The following KLHL7 variants were observed in gnomAD, a reference collection of about 807,000 sequenced individuals.
KLHL7 encodes kelch-like protein 7.
In KLHL7, 44 loss-of-function variants were observed where a neutral mutation model predicts 67.4. That is an observed-to-expected ratio of 0.65 (90% CI 0.51 to 0.84). The LOEUF is 0.84. Among genes scored for constraint, KLHL7 ranks in the 40% least tolerant of loss-of-function variants. KLHL7 has a pLI of 0.00. For missense variants in KLHL7, 362 were observed against 718.1 expected (o/e 0.50, Z 5.67); for synonymous variants, 252 against 243.3 (o/e 1.04, Z -0.33).
chr7:23,171,301 G>A (rs952155981), intron 9 of KLHL7: 3 of 159,298 alleles, frequency 1.9e-5, no homozygotes, highest in African/African-American at 7.2e-5. Flanking sequence ...TAAACCTTCA[G>A]GAGATTTAGA....
chr7:23,126,823 A>G (rs902205583), intron 4 of KLHL7, among the ~76,000 whole-genome samples: 4 of 152,218 alleles, frequency 2.6e-5, no homozygotes, highest in African/African-American at 9.6e-5. Flanking sequence ...ATTGGACTAG[A>G]TGGAGCAGGA....
chr7:23,168,073 T>G, intron 9 of KLHL7, 36 bp downstream of exon 9: 1 of 1,577,226 alleles, frequency 6.3e-7, no homozygotes, highest in Non-Finnish European at 8.7e-7. Flanking sequence ...TACAGTTAAC[T>G]GTATTCTATA....
At chr7:23,127,769 G>GT (rs1783628852) in intron 4 of KLHL7, among the ~76,000 whole-genome samples, 1 of 152,086 alleles carries the variant, frequency 6.6e-6, no homozygotes, top group Non-Finnish European at 1.5e-5. Context: ...AGCTACTCCG[G>GT]AGGCCGAGGC....
At chr7:23,120,306 CAG>C (rs1223218825) in intron 1 of KLHL7, among the ~76,000 whole-genome samples, 1 of 152,222 alleles carries the variant, frequency 6.6e-6, no homozygotes, top group Non-Finnish European at 1.5e-5. Context: ...TCACCACACC[CAG>C]CCCCATATAC....
At position 23,141,814 on chromosome 7, in the gene KLHL7, G is replaced by A. The variant is rs368446753; in HGVS notation, c.618+870G>A. Reference sequence around the variant, plus strand: ...ATTTTTTGTATTTTTTAGTAGAGACGGGGTTTCACCGTGTTAGCCAGGATG... The same window carrying A: ...ATTTTTTGTATTTTTTAGTAGAGACAGGGTTTCACCGTGTTAGCCAGGATG... On this transcript the variant is annotated intron_variant, in intron 5 of 10. Transcript: ENST00000339077. Among the ~76,000 whole-genome samples the A allele has an allele frequency of 4.7e-4, 71 of 152,180 alleles. 1 individual carries two copies. Among genetic ancestry groups the A allele is most frequent in the African/African-American group, 1.6e-3 (67 of 41,504 alleles).
intron 1 of KLHL7, among the ~76,000 whole-genome samples, chr7:23,119,891 T>C (rs2128458924): frequency 6.6e-6 from 1 of 152,330 alleles, no homozygotes; most frequent in Admixed American, 6.5e-5. Context: ...TCTTGTTATT[T>C]CTATAAGTGT....
intron 5 of KLHL7, 21 bp downstream of exon 5, chr7:23,140,965 CAT>C: frequency 6.2e-7 from 1 of 1,603,436 alleles, no homozygotes; most frequent in Non-Finnish European, 8.5e-7. Flanking sequence ...TGCCTTCTCA[CAT>C]TTTTCTTAAT....
In KLHL7 at chr7:23,175,626, A is replaced by G. The variant is rs1319381782; in HGVS notation, c.*1328A>G. 3.4e-6 allele frequency: 1 copy of G among 294,394 alleles called. No individual in the cohort carries two copies. Among genetic ancestry groups the G allele is most frequent in the African/African-American group, 2.3e-5 (1 of 44,182 alleles). 18.2% of individuals were successfully genotyped at this position (294,394 alleles called of 1,614,324 possible). On this transcript the variant is annotated 3_prime_UTR_variant, in exon 11 of 11. Transcript: ENST00000339077. ...GTAGGGTTTTTTAATGTACAGCTTT[A>G]TTGAGATATAATTCACATACCATAC... is the stretch of plus-strand genomic sequence containing the variant.
intron 4 of KLHL7, among the ~76,000 whole-genome samples, chr7:23,138,474 A>AG (rs1309333668): frequency 6.7e-6 from 1 of 150,154 alleles, no homozygotes; most frequent in Non-Finnish European, 1.5e-5. Flanking sequence ...AAAAAAAAAA[A>AG]AAAAAAAAAA....
intron 4 of KLHL7, among the ~76,000 whole-genome samples, chr7:23,134,121 T>C (rs1002893911): frequency 2.0e-5 from 3 of 152,212 alleles, no homozygotes; most frequent in African/African-American, 7.2e-5. Context: ...TGAGGTATGT[T>C]CCTTCTATCC....
intron 1 of KLHL7, chr7:23,106,595 C>T (rs2128454881): frequency 9.6e-7 from 1 of 1,037,886 alleles, no homozygotes; most frequent in Non-Finnish European, 1.2e-6. Context: ...AAATAAGGAT[C>T]CCCGCCCCCT....
chr7:23,138,577 G>A (rs770518983), intron 4 of KLHL7, among the ~76,000 whole-genome samples: 19 of 150,438 alleles, frequency 1.3e-4, no homozygotes, highest in Admixed American at 7.9e-4. Flanking sequence ...TCACTTTGTC[G>A]CCCCAGCTGG....
intron 7 of KLHL7, among the ~76,000 whole-genome samples, chr7:23,154,252 G>A (rs1304770955): frequency 6.6e-6 from 1 of 152,202 alleles, no homozygotes; most frequent in African/African-American, 2.4e-5. Flanking sequence ...CTACTCGGGA[G>A]GCTGAGGCAG....
At chr7:23,160,805 A>G (rs1033217668) in intron 7 of KLHL7, among the ~76,000 whole-genome samples, 4 of 152,238 alleles carry the variant, frequency 2.6e-5, no homozygotes, top group African/African-American at 9.6e-5. Flanking sequence ...AAATGAGCAT[A>G]TTTCAAAATA....
At chr7:23,123,961 A>T in intron 2 of KLHL7, 82 bp downstream of exon 2, 3 of 1,025,178 alleles carry the variant, frequency 2.9e-6, no homozygotes, top group Non-Finnish European at 4.5e-6. Flanking sequence ...TCATTTTTCT[A>T]ATTTTTAAAG....
At chr7:23,124,190 CAAAAAAAAAAAAAA>C (rs149801497) in intron 2 of KLHL7, among the ~76,000 whole-genome samples, 27 of 25,866 alleles carry the variant, frequency 1.0e-3, no homozygotes, top group Admixed American at 2.5e-3. Context: ...GACTCTGTCT[CAAAAAAAAAAAAAA>C]AAAAAAAAAA....
At chr7:23,137,484 C>CTT (rs529297991) in intron 4 of KLHL7, among the ~76,000 whole-genome samples, 4 of 141,638 alleles carry the variant, frequency 2.8e-5, no homozygotes, top group Admixed American at 1.4e-4. Flanking sequence ...CCAAAACTGT[C>CTT]TTTTTTTTTT....
rs1394205208 is a variant in KLHL7, at chr7:23,177,087, T to C, written c.*2789T>C. On this transcript the variant is annotated 3_prime_UTR_variant, in exon 11 of 11. Transcript: ENST00000339077. The stretch of plus-strand genomic sequence containing the variant: ...CAAACGAGGACACATTCTGAGCTTC[T>C]GGATAGACATGAATTTGGGGAGATG... 6.6e-6 allele frequency: 1 copy of C among 152,242 alleles called. No individual in the cohort carries two copies. The highest frequency in any genetic ancestry group is 1.5e-5 in the Non-Finnish European group (1 of 68,058). The allele number at this position is 152,242 out of a possible 1,614,324, so 9.4% of individuals were successfully genotyped here.
chr7:23,176,938 C>T lies in KLHL7; in HGVS notation c.*2640C>T, dbSNP rs137977936. The T allele has an allele frequency of 0.026, 4,000 of 152,410 alleles. 172 individuals carry two copies. Among genetic ancestry groups the T allele is most frequent in the African/African-American group, 0.091 (3,787 of 41,498 alleles). 9.4% of individuals were successfully genotyped at this position (152,410 alleles called of 1,614,324 possible). Reference sequence around the variant, plus strand: ...GCAGTGAGCTGAGATTGCGCCACTTCATTCCAGCCTGGGTGACAGAGCAAG... The same window carrying T: ...GCAGTGAGCTGAGATTGCGCCACTTTATTCCAGCCTGGGTGACAGAGCAAG... On this transcript the variant is annotated 3_prime_UTR_variant, in exon 11 of 11. Coordinates refer to ENST00000339077, the MANE Select transcript of KLHL7 (RefSeq NM_001031710.3).
Sources: allele counts gnomAD v4.1 joint callset (sites outside exome capture counted in the v4.1 genomes callset), GRCh38; gene constraint gnomAD v4.1.1; transcripts MANE v1.5; gene names NCBI Gene and HGNC (gene_info 2026-07-23, HGNC 2026-07-21).